Variants in AHR observed in about 807,000 individuals in gnomAD.
AHR encodes aryl hydrocarbon receptor, also known as AH-receptor.
In AHR, 40 loss-of-function variants were observed where a neutral mutation model predicts 86.8. The observed-to-expected ratio is 0.46, with a 90% CI of 0.36 to 0.60. AHR has a LOEUF of 0.60. AHR is among the 20% of genes least tolerant of loss of function. The pLI is 0.00. For synonymous variants in AHR, 398 were observed against 354.9 expected, an observed-to-expected ratio of 1.12 and a Z score of -1.37; for missense variants, 1,001 against 1,011.6, an observed-to-expected ratio of 0.99 and a Z score of 0.14.
chr7:17,302,084 T>C (rs1391092348), intron 1 of AHR, among the ~76,000 whole-genome samples: 1 of 152,014 alleles, frequency 6.6e-6, no homozygotes, highest in African/African-American at 2.4e-5. Flanking sequence ...TCCCTAGTGA[T>C]AATTTTGTAT....
At chr7:17,334,202 TAATATTG>T in intron 7 of AHR, 88 bp downstream of exon 7, 10 of 1,149,332 alleles carry the variant, frequency 8.7e-6, no homozygotes, top group Non-Finnish European at 1.3e-5. Context: ...ACAGTGTATG[TAATATTG>T]TTTATTATTA....
At chr7:17,321,604 C>CACACACACAT (rs1481305255) in intron 2 of AHR, among the ~76,000 whole-genome samples, 1 of 151,622 alleles carries the variant, frequency 6.6e-6, no homozygotes, top group East Asian at 1.9e-4. Flanking sequence ...TACACACACA[C>CACACACACAT]ACACACACAC....
Position 17,338,935 on chromosome 7 carries a change from T to C in AHR, c.1161-51T>C, listed in dbSNP as rs769874763. On this transcript the variant is annotated intron_variant, in intron 9 of 10. Transcript: ENST00000242057. ...TTTCTTTTTTAAATTATTTTTATTT[T>C]AAAATGTTTGATAGAATTTTTTTCT... The C allele has an allele frequency of 2.7e-6, 4 of 1,464,424 alleles. No individual in the cohort carries two copies. In the African/African-American group the frequency reaches 5.7e-5, roughly 21 times the overall value. The allele number at this position is 1,464,424 out of a possible 1,614,324, so 90.7% of individuals were successfully genotyped here. A position where few individuals can be genotyped will look rare whatever the true frequency, so the allele number is the denominator to read the frequency against.
At chr7:17,316,859 G>T (rs1193605191) in intron 2 of AHR, among the ~76,000 whole-genome samples, 1 of 152,058 alleles carries the variant, frequency 6.6e-6, no homozygotes, top group Non-Finnish European at 1.5e-5. Context: ...AGCACTGACA[G>T]CAGGAGCTGT....
intron 6 of AHR, among the ~76,000 whole-genome samples, chr7:17,331,873 T>G (rs533158880): frequency 7.9e-5 from 12 of 152,140 alleles, no homozygotes; most frequent in African/African-American, 2.4e-4. Context: ...TTGAAACAGA[T>G]AATCAAATCT....
chr7:17,327,204 A>G (rs1782239042), intron 3 of AHR, among the ~76,000 whole-genome samples: 1 of 152,106 alleles, frequency 6.6e-6, no homozygotes, highest in African/African-American at 2.4e-5. Context: ...TTAGTGGACT[A>G]AATTCACTGT....
intron 10 of AHR, among the ~76,000 whole-genome samples, chr7:17,341,716 T>G (rs150814051): frequency 1.6e-3 from 250 of 152,282 alleles, no homozygotes; most frequent in Middle Eastern, 6.8e-3. Flanking sequence ...ATTGATTTCA[T>G]GTTGAAATGA....
intron 2 of AHR, among the ~76,000 whole-genome samples, chr7:17,312,777 T>C (rs79937819): frequency 0.023 from 3,450 of 152,302 alleles, 122 homozygotes; most frequent in Middle Eastern, 0.085. Flanking sequence ...TCTTTAACGT[T>C]AGATTCTTTT....
chr7:17,340,287 T>A, intron 10 of AHR, 59 bp downstream of exon 10: 1 of 1,506,974 alleles, frequency 6.6e-7, no homozygotes, highest in Non-Finnish European at 8.8e-7. Context: ...CTTATAGACA[T>A]GTTACACATT....
chr7:17,301,016 G>T (rs1388690300), intron 1 of AHR, among the ~76,000 whole-genome samples: 2 of 151,990 alleles, frequency 1.3e-5, no homozygotes, highest in Non-Finnish European at 2.9e-5. Flanking sequence ...TGCGTAAAAT[G>T]TACTTTTTAT....
chr7:17,300,875 C>G (rs1007997990), intron 1 of AHR, among the ~76,000 whole-genome samples: 2 of 151,936 alleles, frequency 1.3e-5, no homozygotes, highest in Non-Finnish European at 2.9e-5. Context: ...GAAGATCTCC[C>G]TGATGTGTTT....
Position 17,315,894 on chromosome 7 carries a change from T to A in AHR, c.253+5771T>A, listed in dbSNP as rs557069464. Among the ~76,000 whole-genome samples, 54 of 152,264 alleles carry A rather than the reference T, an allele frequency of 3.5e-4. No individual in the cohort carries two copies. In the South Asian group the frequency reaches 0.01, roughly 29 times the overall value. On this transcript the variant is annotated intron_variant, in intron 2 of 10. Transcript: ENST00000242057. ...TAACTCAAATTCGTTTATTTGCTTA[T>A]GGCTGGAGATTTAGATTTTAGAGTC...
At chr7:17,341,563 T>C (rs1339628682) in intron 10 of AHR, among the ~76,000 whole-genome samples, 8 of 152,172 alleles carry the variant, frequency 5.3e-5, no homozygotes, top group Admixed American at 6.5e-5. Context: ...GCTAAGACAC[T>C]CAATATTGAG....
chr7:17,314,367 T>G (rs1253809266), intron 2 of AHR, among the ~76,000 whole-genome samples: 2 of 152,108 alleles, frequency 1.3e-5, no homozygotes, highest in Non-Finnish European at 2.9e-5. Context: ...TCATTAAGCC[T>G]AAAAATGCTG....
chr7:17,312,215 A>G (rs1324821107), intron 2 of AHR, among the ~76,000 whole-genome samples: 2 of 152,190 alleles, frequency 1.3e-5, no homozygotes, highest in Non-Finnish European at 2.9e-5. Context: ...GTGATGTGTA[A>G]GACGTGGTTG....
chr7:17,308,123 T>C (rs1782024423), intron 1 of AHR, among the ~76,000 whole-genome samples: 1 of 152,186 alleles, frequency 6.6e-6, no homozygotes, highest in Admixed American at 6.5e-5. Flanking sequence ...ACAGGAGCTT[T>C]TGTATATTTT....
At chr7:17,327,045 A>C (rs1011602038) in intron 3 of AHR, among the ~76,000 whole-genome samples, 5 of 152,128 alleles carry the variant, frequency 3.3e-5, no homozygotes, top group Non-Finnish European at 5.9e-5. Context: ...ATCCAAACTA[A>C]AGAGTATGGG....
chr7:17,339,583 A>C lies in AHR; in HGVS notation c.1758A>C (p.Gln586His), dbSNP rs763429153. The change falls in exon 10 of 11, where the codon CAA (glutamine) becomes CAC (histidine). Residue 586 changes from glutamine (Q) to histidine (H), a missense_variant. Gln to His is a conservative substitution (Grantham distance 24). Transcript: ENST00000242057. ...CGGATGAAATCCTGACGTATGTCCA[A>C]GATTCTTTAAGTAAGTCTCCCTTCA... ...DLTDEILTYV[Q>H]DSLSKSPFIP... is the part of the protein sequence containing the mutation. The C allele has an allele frequency of 1.9e-6, 3 of 1,614,176 alleles. No homozygotes were observed. Among genetic ancestry groups the C allele is most frequent in the Non-Finnish European group, 8.5e-7 (1 of 1,180,048 alleles).
intron 2 of AHR, among the ~76,000 whole-genome samples, chr7:17,310,781 C>A (rs1193272304): frequency 6.6e-6 from 1 of 152,146 alleles, no homozygotes; most frequent in Non-Finnish European, 1.5e-5. Flanking sequence ...GGTGATCTGC[C>A]CGTCTCAGCC....
Sources: gnomAD v4.1 joint callset for allele counts (sites outside exome capture counted in the v4.1 genomes callset) on GRCh38, gnomAD v4.1.1 for gene constraint, MANE v1.5 for transcripts, NCBI Gene and HGNC (gene_info 2026-07-23, HGNC 2026-07-21) for gene names.